The following DNAH11 variants were observed in gnomAD, a reference collection of about 807,000 sequenced individuals.
DNAH11 encodes the protein axonemal beta dynein heavy chain 11.
Under a neutral mutation model 526.0 loss-of-function variants are expected in DNAH11, and 442 were observed. That is an observed-to-expected ratio of 0.84 (90% CI 0.78 to 0.91). The LOEUF (loss-of-function observed/expected upper bound fraction) is 0.91. Among genes scored for constraint, DNAH11 ranks in the 40% least tolerant of loss-of-function variants. The probability of loss-of-function intolerance (pLI) is 0.00; values close to 1 mark genes in which losing one functional copy is unlikely to be tolerated. For missense variants in DNAH11, 6,989 were observed against 5,448.7 expected, an observed-to-expected ratio of 1.28 and a Z score of -8.90; for synonymous variants, 2,461 against 1,935.9, an observed-to-expected ratio of 1.27 and a Z score of -7.12.
chr7:21,747,485 C>T (rs1786200432), intron 51 of DNAH11, among the ~76,000 whole-genome samples: 1 of 152,120 alleles, frequency 6.6e-6, no homozygotes, highest in African/African-American at 2.4e-5. Context: ...ATCTACATGC[C>T]TATATTTTGT....
chr7:21,784,105 A>G (rs1380378082), intron 57 of DNAH11, among the ~76,000 whole-genome samples: 1 of 152,188 alleles, frequency 6.6e-6, no homozygotes, highest in Non-Finnish European at 1.5e-5. Flanking sequence ...GAAAAAGAAA[A>G]CTGAAGAACA....
At chr7:21,840,518 A>G (rs1239845873) in intron 65 of DNAH11, among the ~76,000 whole-genome samples, 3 of 152,162 alleles carry the variant, frequency 2.0e-5, no homozygotes, top group Admixed American at 2.0e-4. Flanking sequence ...TAGGCCTCAT[A>G]AGAAGTTTCA....
chr7:21,807,723 A>G (rs763935348), intron 62 of DNAH11, among the ~76,000 whole-genome samples, 160 bp from the exon 63 acceptor site: 21 of 152,214 alleles, frequency 1.4e-4, no homozygotes, highest in Non-Finnish European at 1.9e-4. Flanking sequence ...GATTTCAAAC[A>G]CATGAAAGAT....
At chr7:21,590,032 T>C (rs894897380) in intron 12 of DNAH11, among the ~76,000 whole-genome samples, 5 of 152,128 alleles carry the variant, frequency 3.3e-5, no homozygotes, top group Admixed American at 3.3e-4. Context: ...AGGATGAATA[T>C]TATCTTTATT....
intron 30 of DNAH11, among the ~76,000 whole-genome samples, chr7:21,664,779 A>G (rs781776486): frequency 2.6e-5 from 4 of 151,992 alleles, no homozygotes; most frequent in African/African-American, 4.8e-5. Flanking sequence ...TTAATTTTGC[A>G]ATTACTCAGT....
intron 55 of DNAH11, among the ~76,000 whole-genome samples, chr7:21,766,473 A>T (rs1583672383): frequency 6.6e-6 from 1 of 152,174 alleles, no homozygotes; most frequent in African/African-American, 2.4e-5. Context: ...AACTGGAGAT[A>T]TGTGAGGAAT....
rs77662044 is a variant in DNAH11 at position 21,861,568 on chromosome 7, C to T, written c.11203-285C>T. On this transcript the variant is annotated intron_variant, in intron 68 of 81. Coordinates refer to ENST00000409508, the MANE Select transcript of DNAH11 (RefSeq NM_001277115.2). ...ATGTGTATCCTACCACAATCAAATA[C>T]TAAAATATTATTTTAAGTACATGGG... Among the ~76,000 whole-genome samples the T allele has an allele frequency of 9.2e-3, 1,387 of 151,286 alleles. 17 individuals are homozygous for T. Among genetic ancestry groups the T allele is most frequent in the African/African-American group, 0.032 (1,317 of 40,640 alleles).
chr7:21,878,184 G>A (rs1783790211), intron 74 of DNAH11, among the ~76,000 whole-genome samples: 1 of 152,240 alleles, frequency 6.6e-6, no homozygotes, highest in South Asian at 2.1e-4. Context: ...TGGAATGGTA[G>A]GTAGACTCAT....
intron 23 of DNAH11, 71 bp downstream of exon 23, chr7:21,617,848 T>C: frequency 7.0e-7 from 1 of 1,423,498 alleles, no homozygotes; most frequent in Non-Finnish European, 9.4e-7. Context: ...TTGCATCATC[T>C]GAGATGAAGT....
At chr7:21,577,592 C>T (rs1184545714) in intron 8 of DNAH11, among the ~76,000 whole-genome samples, 1 of 152,134 alleles carries the variant, frequency 6.6e-6, no homozygotes, top group African/African-American at 2.4e-5. Context: ...CAGTAGAGAC[C>T]ACATGGGGAA....
At position 21,543,525 on chromosome 7, in the gene DNAH11, C is replaced by A. The variant is rs1311898625; in HGVS notation, c.280C>A (p.Leu94Met). ...EDNRQVLGEF[L>M]ESTSPACLVF... is the part of the protein sequence containing the mutation. ...CAACCGGCAGGTTCTTGGGGAGTTT[C>A]TGGAAAGCACCAGCCCGGCTTGCCT... is the stretch of plus-strand genomic sequence containing the variant. Residue 94 changes from leucine to methionine, a missense_variant, in exon 1 of 82, where the codon CTG becomes ATG. By Grantham distance (15) the Leu-to-Met change is conservative. Coordinates refer to ENST00000409508, the MANE Select transcript of DNAH11 (RefSeq NM_001277115.2). The A allele has an allele frequency of 3.7e-6, 6 of 1,609,756 alleles. No homozygotes were observed. Among genetic ancestry groups the A allele is most frequent in the Non-Finnish European group, 5.1e-6 (6 of 1,178,102 alleles).
chr7:21,734,010 G>C (rs1785499272), intron 45 of DNAH11, among the ~76,000 whole-genome samples: 1 of 152,108 alleles, frequency 6.6e-6, no homozygotes, highest in Non-Finnish European at 1.5e-5. Flanking sequence ...ACTAACAAGA[G>C]TTCGTCACAC....
At chr7:21,637,761 C>T (rs901147935) in intron 27 of DNAH11, 59 bp downstream of exon 27, 13 of 1,065,546 alleles carry the variant, frequency 1.2e-5, no homozygotes, top group Admixed American at 2.8e-5. Flanking sequence ...GTCTTTTTCA[C>T]ATACCTAATA....
At chr7:21,804,793 G>T (rs796394779) in intron 62 of DNAH11, among the ~76,000 whole-genome samples, 7 of 152,238 alleles carry the variant, frequency 4.6e-5, no homozygotes, top group African/African-American at 1.7e-4. Context: ...CCTCATTGTA[G>T]CTGGGTGATA....
intron 23 of DNAH11, 104 bp downstream of exon 23, chr7:21,617,881 T>G: frequency 2.5e-6 from 3 of 1,223,354 alleles, no homozygotes; most frequent in Non-Finnish European, 3.3e-6. Context: ...AAGACCCCCC[T>G]CAGCATAGCC....
At chr7:21,589,087 CTG>C in intron 11 of DNAH11, 119 bp from the exon 12 acceptor site, 2 of 751,238 alleles carry the variant, frequency 2.7e-6, no homozygotes, top group Non-Finnish European at 3.9e-6. Context: ...TTGGTCTTGA[CTG>C]TTTCTCTTCC....
At chr7:21,842,178 T>C (rs1782227149) in intron 65 of DNAH11, among the ~76,000 whole-genome samples, 1 of 152,238 alleles carries the variant, frequency 6.6e-6, no homozygotes, top group Non-Finnish European at 1.5e-5. Flanking sequence ...TCTTCATATG[T>C]TGTTTTGCTT....
At chr7:21,648,806 A>G (rs1267537659) in intron 28 of DNAH11, among the ~76,000 whole-genome samples, 2 of 152,230 alleles carry the variant, frequency 1.3e-5, no homozygotes, top group Non-Finnish European at 2.9e-5. Context: ...ATTTTACTTG[A>G]AATTTAAAAA....
At chr7:21,633,084 T>C (rs939039481) in intron 25 of DNAH11, among the ~76,000 whole-genome samples, 3 of 152,158 alleles carry the variant, frequency 2.0e-5, no homozygotes, top group African/African-American at 7.2e-5. Context: ...CCATCAGATC[T>C]TGCGAGACTT....
Sources: allele counts gnomAD v4.1 joint callset (sites outside exome capture counted in the v4.1 genomes callset), GRCh38; gene constraint gnomAD v4.1.1; transcripts MANE v1.5; gene names NCBI Gene and HGNC (gene_info 2026-07-23, HGNC 2026-07-21).